The following PDE4B variants were observed in gnomAD, a reference collection of about 807,000 sequenced individuals.
PDE4B encodes 3',5'-cyclic-AMP phosphodiesterase 4B.
A neutral mutation model predicts 82.2 loss-of-function variants in PDE4B; 20 were observed. That is an observed-to-expected ratio of 0.24 (90% confidence interval 0.17 to 0.35). The LOEUF is 0.35. Among genes scored for constraint, PDE4B ranks in the 10% least tolerant of loss-of-function variants. The pLI is 1.00. For missense variants in PDE4B, 655 were observed against 907.2 expected (o/e 0.72, Z 3.57); for synonymous variants, 320 against 318.9 (o/e 1.00, Z -0.04).
intron 15 of PDE4B, chr1:66,368,302 A>C: frequency 2.2e-6 from 1 of 458,576 alleles, no homozygotes; most frequent in South Asian, 3.5e-5. Context: ...AATAAATCGC[A>C]AAATCTATTT....
At chr1:66,226,760 C>G (rs866392989) in intron 3 of PDE4B, among the ~76,000 whole-genome samples, 2 of 152,140 alleles carry the variant, frequency 1.3e-5, no homozygotes, top group South Asian at 2.1e-4. Flanking sequence ...ATGTGATGGA[C>G]AGCTATGGAA....
At chr1:66,113,407 G>A (rs1449386947) in intron 3 of PDE4B, among the ~76,000 whole-genome samples, 1 of 152,124 alleles carries the variant, frequency 6.6e-6, no homozygotes, top group African/African-American at 2.4e-5. Flanking sequence ...GTACAAAATT[G>A]CTGTTGCTGA....
At chr1:66,191,085 GAA>G (rs2101475401) in intron 3 of PDE4B, among the ~76,000 whole-genome samples, 1 of 152,242 alleles carries the variant, frequency 6.6e-6, no homozygotes, top group Non-Finnish European at 1.5e-5. Context: ...AATAATCTCA[GAA>G]AAGTTTGGAC....
At chr1:66,129,395 C>T (rs1184174067) in intron 3 of PDE4B, among the ~76,000 whole-genome samples, 1 of 152,036 alleles carries the variant, frequency 6.6e-6, no homozygotes, top group Non-Finnish European at 1.5e-5. Context: ...CGGTGGCTCA[C>T]GCCTGTAATC....
At chr1:66,065,595 G>A (rs974788870) in intron 3 of PDE4B, among the ~76,000 whole-genome samples, 1 of 151,704 alleles carries the variant, frequency 6.6e-6, no homozygotes, top group South Asian at 2.1e-4. Flanking sequence ...GACTTTCTCT[G>A]TGGTGTGATT....
intron 3 of PDE4B, among the ~76,000 whole-genome samples, chr1:66,176,664 C>A (rs1466607020): frequency 6.6e-6 from 1 of 152,178 alleles, no homozygotes; most frequent in Non-Finnish European, 1.5e-5. Context: ...ACCATGCCTG[C>A]TGAATCAGCT....
At chr1:65,842,919 G>T (rs1226180144) in intron 1 of PDE4B, among the ~76,000 whole-genome samples, 1 of 152,160 alleles carries the variant, frequency 6.6e-6, no homozygotes, top group Non-Finnish European at 1.5e-5. Context: ...ATGAATAGGA[G>T]CTCATGCCAG....
chr1:66,058,238 C>T (rs1202284511), intron 3 of PDE4B, among the ~76,000 whole-genome samples: 2 of 152,162 alleles, frequency 1.3e-5, no homozygotes, highest in African/African-American at 2.4e-5. Context: ...AGGTGGGTTC[C>T]CATGGTATTG....
At chr1:66,182,537 T>G (rs1647091147) in intron 3 of PDE4B, among the ~76,000 whole-genome samples, 1 of 152,200 alleles carries the variant, frequency 6.6e-6, no homozygotes, top group Admixed American at 6.6e-5. Flanking sequence ...AGAGATAATC[T>G]AATTGCAGCT....
At chr1:65,921,498 A>G (rs901051928) in intron 3 of PDE4B, among the ~76,000 whole-genome samples, 1 of 152,196 alleles carries the variant, frequency 6.6e-6, no homozygotes, top group Non-Finnish European at 1.5e-5. Context: ...CACTTAGAGT[A>G]CCAAGAATAT....
chr1:66,020,414 G>A (rs979683556), intron 3 of PDE4B, among the ~76,000 whole-genome samples: 8 of 151,942 alleles, frequency 5.3e-5, no homozygotes, highest in East Asian at 3.9e-4. Context: ...TGCTGCACCC[G>A]ATAACTCGTC....
At chr1:65,872,086 G>T (rs1300643229) in intron 1 of PDE4B, among the ~76,000 whole-genome samples, 2 of 152,024 alleles carry the variant, frequency 1.3e-5, no homozygotes, top group Non-Finnish European at 2.9e-5. Flanking sequence ...TACATAAATT[G>T]TGTATAAGTT....
intron 3 of PDE4B, among the ~76,000 whole-genome samples, chr1:65,993,452 T>C (rs1314352853): frequency 6.6e-6 from 1 of 152,216 alleles, no homozygotes; most frequent in Non-Finnish European, 1.5e-5. Context: ...CAGTTTTTTG[T>C]TTCATATCTG....
At chr1:66,049,850 G>T (rs928284299) in intron 3 of PDE4B, among the ~76,000 whole-genome samples, 7 of 151,944 alleles carry the variant, frequency 4.6e-5, no homozygotes, top group Non-Finnish European at 8.8e-5. Flanking sequence ...CTTTAATTTT[G>T]TATAAATACG....
chr1:66,149,324 T>C (rs917587191), intron 3 of PDE4B, among the ~76,000 whole-genome samples: 1 of 152,206 alleles, frequency 6.6e-6, no homozygotes, highest in African/African-American at 2.4e-5. Flanking sequence ...TTTTAAACTA[T>C]TGAGTTATTT....
At chr1:65,973,751 C>A (rs977512345) in intron 3 of PDE4B, among the ~76,000 whole-genome samples, 11 of 152,020 alleles carry the variant, frequency 7.2e-5, no homozygotes, top group African/African-American at 2.7e-4. Flanking sequence ...TTAAAGAATT[C>A]TAATCTAAAG....
chr1:65,867,510 G>A (rs958804273), intron 1 of PDE4B, among the ~76,000 whole-genome samples: 2 of 152,168 alleles, frequency 1.3e-5, no homozygotes, highest in African/African-American at 4.8e-5. Context: ...CAATACGTGT[G>A]GCTGAGAATG....
intron 3 of PDE4B, among the ~76,000 whole-genome samples, chr1:66,087,112 G>A (rs1271096477): frequency 1.3e-5 from 2 of 152,128 alleles, no homozygotes; most frequent in African/African-American, 4.8e-5. Flanking sequence ...AGCCAGAAAG[G>A]TAGGATCAAA....
At chr1:66,232,258 T>C (rs1418837904) in intron 3 of PDE4B, among the ~76,000 whole-genome samples, 2 of 152,226 alleles carry the variant, frequency 1.3e-5, no homozygotes, top group African/African-American at 2.4e-5. Flanking sequence ...GGCAGTGATA[T>C]GCAAAAGCAG....
Sources: allele counts gnomAD v4.1 joint callset (sites outside exome capture counted in the v4.1 genomes callset), GRCh38; gene constraint gnomAD v4.1.1; transcripts MANE v1.5; gene names NCBI Gene and HGNC (gene_info 2026-07-23, HGNC 2026-07-21).